HERC4: variants seen among roughly 807,000 people sequenced by gnomAD.
HERC4 encodes HECT and RLD domain containing E3 ubiquitin protein ligase 4, also known as probable E3 ubiquitin-protein ligase HERC4.
HERC4 carries 28 observed loss-of-function variants against 124.3 expected under a neutral mutation model. That is an observed-to-expected ratio of 0.23 (90% CI 0.17 to 0.31). The LOEUF is 0.31. Ranked by LOEUF, HERC4 falls within the 10% of genes least tolerant of loss-of-function variation. The probability of loss-of-function intolerance (pLI) is 1.00; values close to 1 mark genes in which losing one functional copy is unlikely to be tolerated. For synonymous variants in HERC4, 407 were observed against 421.5 expected (o/e 0.97, Z 0.42); for missense variants, 713 against 1,229.3 (o/e 0.58, Z 6.28).
intron 21 of HERC4, 88 bp downstream of exon 21, chr10:67,939,500 C>T: frequency 1.2e-6 from 1 of 828,886 alleles, no homozygotes. Flanking sequence ...AGAATTCCAT[C>T]CATCAAAATA....
chr10:68,025,422 A>G (rs1431220601), intron 8 of HERC4, 124 bp downstream of exon 8: 1 of 1,077,494 alleles, frequency 9.3e-7, no homozygotes, highest in Non-Finnish European at 1.3e-6. Flanking sequence ...CCTCAGTGGC[A>G]AAATAGGTAT....
intron 3 of HERC4, among the ~76,000 whole-genome samples, chr10:68,055,714 C>CA (rs2133656421): frequency 6.7e-6 from 1 of 150,232 alleles, no homozygotes; most frequent in Non-Finnish European, 1.5e-5. Flanking sequence ...AATTTACTTC[C>CA]AAAATATAGT....
chr10:68,026,130 C>G (rs962123039), intron 7 of HERC4, among the ~76,000 whole-genome samples: 1 of 152,192 alleles, frequency 6.6e-6, no homozygotes, highest in African/African-American at 2.4e-5. Flanking sequence ...GGGTCTTGCT[C>G]TATCACCCAG....
At chr10:68,010,679 C>A in intron 9 of HERC4, 1 of 1,475,668 alleles carries the variant, frequency 6.8e-7, no homozygotes, top group Admixed American at 1.9e-5. Flanking sequence ...GCAAGGGCCG[C>A]GCCGCTTACA....
intron 3 of HERC4, among the ~76,000 whole-genome samples, chr10:68,071,707 T>C (rs1451410158): frequency 6.6e-6 from 1 of 152,204 alleles, no homozygotes; most frequent in Non-Finnish European, 1.5e-5. Context: ...AAAATGTTCT[T>C]AGACAGGTAG....
At chr10:67,946,439 G>A (rs1479637006) in intron 19 of HERC4, among the ~76,000 whole-genome samples, 1 of 146,944 alleles carries the variant, frequency 6.8e-6, no homozygotes, top group Non-Finnish European at 1.5e-5. Context: ...CACTTCACTT[G>A]TCAAGACACA....
chr10:67,931,590 A>G (rs946734660), intron 23 of HERC4, among the ~76,000 whole-genome samples: 1 of 151,526 alleles, frequency 6.6e-6, no homozygotes, highest in African/African-American at 2.4e-5. Context: ...ACACCCGATT[A>G]ATTTTTGTAT....
chr10:67,980,038 C>T (rs1371369901), intron 15 of HERC4, among the ~76,000 whole-genome samples: 1 of 152,144 alleles, frequency 6.6e-6, no homozygotes, highest in African/African-American at 2.4e-5. Flanking sequence ...CTTTACAGGC[C>T]AGGAGAGAAT....
intron 23 of HERC4, among the ~76,000 whole-genome samples, chr10:67,927,424 A>T (rs1457221374): frequency 0.099 from 689 of 6,966 alleles, 69 homozygotes; most frequent in African/African-American, 0.18. Context: ...ATATATATAT[A>T]TATATATTTT....
chr10:67,965,798 C>T (rs2132438993), intron 16 of HERC4: 1 of 151,710 alleles, frequency 6.6e-6, no homozygotes, highest in East Asian at 1.9e-4. Context: ...TATTAAATTA[C>T]CTGGGTACAG....
In HERC4 at chr10:68,042,496, G is replaced by A. The variant is rs192846539; in HGVS notation, c.386+1908C>T. Among the ~76,000 whole-genome samples, 7 of 152,266 alleles carry A rather than the reference G, an allele frequency of 4.6e-5. No homozygotes were observed. In the East Asian group the frequency reaches 1.2e-3, roughly 25 times the overall value. On this transcript the variant is annotated intron_variant, in intron 4 of 24. Coordinates refer to ENST00000373700, the MANE Select transcript of HERC4 (RefSeq NM_015601.4). ...AAATTGGCCAAGCATAGTGGTGCAC[G>A]CCTATAGTCGCACCTACTAGGGAGG...
At chr10:67,944,670 A>C (rs2033185714) in intron 19 of HERC4, among the ~76,000 whole-genome samples, 1 of 152,248 alleles carries the variant, frequency 6.6e-6, no homozygotes, top group Non-Finnish European at 1.5e-5. Context: ...TCAGACAGAG[A>C]ATTCAAAATA....
chr10:68,068,636 A>G (rs2041418195), intron 3 of HERC4: 1 of 152,124 alleles, frequency 6.6e-6, no homozygotes, highest in South Asian at 2.1e-4. Flanking sequence ...CTCTACCCTA[A>G]GCAACAGAAT....
chr10:68,025,678 T>TAA lies in HERC4; in HGVS notation c.778-4_778-3dup. ...TCCAAAAGTAAACACTCCACCTTCC[T>TAA]AAAAAAAGACAAAACCCCTTATCAT... is the stretch of plus-strand genomic sequence containing the variant. On this transcript the variant is annotated splice_region_variant and splice_polypyrimidine_tract_variant and intron_variant, in intron 7 of 24. Coordinates refer to ENST00000373700, the MANE Select transcript of HERC4 (RefSeq NM_015601.4). 1.2e-6 allele frequency: 2 copies of TAA among 1,605,390 alleles called. No homozygotes were observed. Among genetic ancestry groups the TAA allele is most frequent in the African/African-American group, 1.3e-5 (1 of 74,336 alleles).
chr10:67,955,206 C>A, intron 17 of HERC4, 76 bp from the exon 18 acceptor site: 4 of 1,258,546 alleles, frequency 3.2e-6, no homozygotes, highest in Non-Finnish European at 4.4e-6. Flanking sequence ...CTAACCTCTA[C>A]CTATTAGTTA....
At chr10:68,052,065 T>C (rs1266158638) in intron 3 of HERC4, among the ~76,000 whole-genome samples, 2 of 151,880 alleles carry the variant, frequency 1.3e-5, no homozygotes, top group Admixed American at 6.6e-5. Flanking sequence ...AGTATTTCTC[T>C]TCAAGAAAAA....
chr10:67,951,979 C>CTTG (rs1434261772), intron 19 of HERC4, among the ~76,000 whole-genome samples: 1 of 152,146 alleles, frequency 6.6e-6, no homozygotes, highest in African/African-American at 2.4e-5. Flanking sequence ...TTCCAACAAT[C>CTTG]TTGTTCTCCA....
At chr10:67,965,413 TTC>T (rs1311396961) in intron 16 of HERC4, 2 of 152,158 alleles carry the variant, frequency 1.3e-5, no homozygotes, top group African/African-American at 4.8e-5. Flanking sequence ...ATATAACAGA[TTC>T]TCATTGTTTG....
At chr10:68,001,584 A>T (rs1368073347) in intron 9 of HERC4, among the ~76,000 whole-genome samples, 1 of 152,166 alleles carries the variant, frequency 6.6e-6, no homozygotes, top group Non-Finnish European at 1.5e-5. Flanking sequence ...TTATCATAAA[A>T]TATACATAAA....
Sources: gnomAD v4.1 joint callset for allele counts (sites outside exome capture counted in the v4.1 genomes callset) on GRCh38, gnomAD v4.1.1 for gene constraint, MANE v1.5 for transcripts, NCBI Gene and HGNC (gene_info 2026-07-23, HGNC 2026-07-21) for gene names.